Variants in CTNNA2 observed in about 807,000 individuals in gnomAD.
CTNNA2 encodes catenin alpha-2.
Under a neutral mutation model 101.0 loss-of-function variants are expected in CTNNA2, and 42 were observed. That is an observed-to-expected ratio of 0.42 (90% CI 0.32 to 0.54). The LOEUF (loss-of-function observed/expected upper bound fraction) is 0.54, where lower values mean the gene tolerates loss of function less well. Ranked by LOEUF, CTNNA2 falls within the 20% of genes least tolerant of loss-of-function variation. CTNNA2 has a pLI of 0.14. For missense variants in CTNNA2, 871 were observed against 1,223.1 expected, an observed-to-expected ratio of 0.71 and a Z score of 4.29; for synonymous variants, 450 against 456.4, an observed-to-expected ratio of 0.99 and a Z score of 0.18.
intron 2 of CTNNA2, among the ~76,000 whole-genome samples, chr2:79,255,400 T>C (rs772941695): frequency 2.6e-5 from 4 of 152,216 alleles, no homozygotes; most frequent in Non-Finnish European, 5.9e-5. Context: ...AGGTAAATTA[T>C]ACATGGTACA....
chr2:80,243,051 G>T (rs1311698439), intron 7 of CTNNA2, among the ~76,000 whole-genome samples: 2 of 152,200 alleles, frequency 1.3e-5, no homozygotes, highest in African/African-American at 4.8e-5. Context: ...ACAAGTATCG[G>T]TCAGGTTGTT....
At chr2:79,662,358 T>A (rs1682095543) in intron 2 of CTNNA2, among the ~76,000 whole-genome samples, 1 of 152,040 alleles carries the variant, frequency 6.6e-6, no homozygotes, top group South Asian at 2.1e-4. Context: ...GGGAAAAAAA[T>A]GGAATTTAAA....
chr2:79,204,152 A>G (rs1276168730), intron 2 of CTNNA2, among the ~76,000 whole-genome samples: 2 of 152,248 alleles, frequency 1.3e-5, no homozygotes, highest in African/African-American at 4.8e-5. Context: ...TCAATATTGT[A>G]CTTTCCAAAT....
At chr2:80,553,612 C>T (rs764712364) in intron 11 of CTNNA2, among the ~76,000 whole-genome samples, 11 of 152,098 alleles carry the variant, frequency 7.2e-5, no homozygotes, top group East Asian at 1.9e-4. Flanking sequence ...TCCAAAGTAC[C>T]GTTTCTAAAC....
At chr2:79,721,211 C>T (rs547376938) in intron 2 of CTNNA2, among the ~76,000 whole-genome samples, 1 of 152,174 alleles carries the variant, frequency 6.6e-6, no homozygotes, top group South Asian at 2.1e-4. Flanking sequence ...GTTGCTATAA[C>T]AGAGTATCAC....
At chr2:80,414,104 G>C (rs957053544) in intron 8 of CTNNA2, among the ~76,000 whole-genome samples, 6 of 152,164 alleles carry the variant, frequency 3.9e-5, no homozygotes, top group Non-Finnish European at 7.3e-5. Flanking sequence ...CATGCAAAAG[G>C]CTTCAACTGC....
chr2:80,365,307 A>G (rs1674814180), intron 7 of CTNNA2, among the ~76,000 whole-genome samples: 1 of 152,206 alleles, frequency 6.6e-6, no homozygotes, highest in African/African-American at 2.4e-5. Flanking sequence ...AAGAATGAGT[A>G]GTAGGCACCC....
intron 9 of CTNNA2, among the ~76,000 whole-genome samples, chr2:80,514,203 C>T (rs1258216129): frequency 4.6e-5 from 7 of 152,154 alleles, no homozygotes; most frequent in Non-Finnish European, 8.8e-5. Context: ...GCCAGCCGTG[C>T]TCAACCTCTT....
chr2:79,403,716 A>G (rs931912487), intron 4 of CTNNA2, among the ~76,000 whole-genome samples: 6 of 152,144 alleles, frequency 3.9e-5, no homozygotes, highest in African/African-American at 1.4e-4. Context: ...ATTAAAAGCA[A>G]TGAGATGCCA....
In CTNNA2 at chr2:80,303,211, G is replaced by C. The variant is rs1676535898; in HGVS notation, c.1057-90000G>C. On this transcript the variant is annotated intron_variant, in intron 7 of 18. Transcript: ENST00000402739. This position sits in a 1 kb window ranked among gnomAD's most constrained non-coding sequence, Gnocchi z 7.7. ...TGAGCTTAAACAAGCCGGCGAAAGA[G>C]TTGCGCGCCAGACTCTTGAGCTGAT... is the stretch of plus-strand genomic sequence containing the variant. 1 of 1,613,904 alleles carries C rather than the reference G, an allele frequency of 6.2e-7. No homozygotes were observed. The highest frequency in any genetic ancestry group is 8.5e-7 in the Non-Finnish European group (1 of 1,179,948).
chr2:80,397,714 A>G (rs1678152002), intron 8 of CTNNA2, among the ~76,000 whole-genome samples: 1 of 152,106 alleles, frequency 6.6e-6, no homozygotes, highest in African/African-American at 2.4e-5. Flanking sequence ...ACCCAGTCTC[A>G]GGTATGTTTT....
At chr2:80,491,053 G>A (rs139196494) in intron 9 of CTNNA2, among the ~76,000 whole-genome samples, 1 of 152,134 alleles carries the variant, frequency 6.6e-6, no homozygotes, top group Non-Finnish European at 1.5e-5. Context: ...CCACTAGATA[G>A]GTATGTTTAT....
chr2:80,505,873 C>CT (rs1477392734), intron 9 of CTNNA2, among the ~76,000 whole-genome samples: 1 of 152,042 alleles, frequency 6.6e-6, no homozygotes, highest in Non-Finnish European at 1.5e-5. Context: ...AGTGCTATAC[C>CT]TTTTTTGAGA....
chr2:80,123,164 A>G (rs898329083), intron 7 of CTNNA2, among the ~76,000 whole-genome samples: 3 of 152,190 alleles, frequency 2.0e-5, no homozygotes, highest in Non-Finnish European at 4.4e-5. Context: ...GGCTGATTTC[A>G]TTAAGCCCTT....
chr2:80,343,754 C>T (rs190276026), intron 7 of CTNNA2, among the ~76,000 whole-genome samples: 34 of 152,118 alleles, frequency 2.2e-4, no homozygotes, highest in Non-Finnish European at 4.1e-4. Flanking sequence ...TTTTTTCTCT[C>T]GCAATTGGTA....
At chr2:79,668,433 T>C (rs1164686677) in intron 2 of CTNNA2, among the ~76,000 whole-genome samples, 2 of 148,582 alleles carry the variant, frequency 1.3e-5, no homozygotes, top group African/African-American at 5.0e-5. Flanking sequence ...TAGTTTTTTT[T>C]AACACTTACT....
intron 2 of CTNNA2, among the ~76,000 whole-genome samples, chr2:79,208,453 G>A (rs904936648): frequency 6.6e-6 from 1 of 152,100 alleles, no homozygotes; most frequent in African/African-American, 2.4e-5. Context: ...CTGTTAGTAT[G>A]GGGGATATCC....
intron 7 of CTNNA2, among the ~76,000 whole-genome samples, chr2:80,150,982 G>A (rs1703660569): frequency 6.6e-6 from 1 of 152,202 alleles, no homozygotes; most frequent in Admixed American, 6.5e-5. Context: ...AGCTCAGCCT[G>A]TTGCCCACGA....
chr2:79,905,181 T>C (rs564055358), intron 6 of CTNNA2, among the ~76,000 whole-genome samples: 1 of 152,116 alleles, frequency 6.6e-6, no homozygotes, highest in South Asian at 2.1e-4. Flanking sequence ...GAGATGTTAA[T>C]AAAAATAAGT....
Sources: allele counts gnomAD v4.1 joint callset (sites outside exome capture counted in the v4.1 genomes callset), GRCh38; gene constraint gnomAD v4.1.1; non-coding constraint Gnocchi (gnomAD v3.1); transcripts MANE v1.5; gene names NCBI Gene and HGNC (gene_info 2026-07-23, HGNC 2026-07-21).